DLC1: variants seen among roughly 807,000 people sequenced by gnomAD.
DLC1 encodes rho GTPase-activating protein 7.
A neutral mutation model predicts 140.3 loss-of-function variants in DLC1; 54 were observed. The observed-to-expected ratio is 0.38, with a 90% CI of 0.31 to 0.48. The LOEUF (loss-of-function observed/expected upper bound fraction) is 0.48, where lower values mean the gene tolerates loss of function less well. Among genes scored for constraint, DLC1 ranks in the 20% least tolerant of loss-of-function variants. The probability of loss-of-function intolerance (pLI) is 0.96; values close to 1 mark genes in which losing one functional copy is unlikely to be tolerated. For missense variants in DLC1, 2,536 were observed against 1,907.0 expected (o/e 1.33, Z -6.14); for synonymous variants, 986 against 728.1 (o/e 1.35, Z -5.70).
At chr8:13,101,191 A>T (rs1045262) in intron 8 of DLC1, among the ~76,000 whole-genome samples, 55,018 of 152,204 alleles carry the variant, frequency 0.36, 12,111 homozygotes, top group South Asian at 0.49. Flanking sequence ...GATTACAGGC[A>T]TGAGCCACAG....
rs34107011 is a variant in DLC1, at chr8:13,175,303, C to CT, written c.1349-59647dup. 1.5e-3 allele frequency among the ~76,000 whole-genome samples: 202 copies of CT among 131,694 alleles called. 1 individual carries two copies. The highest frequency in any genetic ancestry group is 2.4e-3 in the African/African-American group (85 of 35,350). 86.4% of individuals were successfully genotyped at this position (131,694 alleles called of 152,430 possible). On this transcript the variant is annotated intron_variant, in intron 5 of 17. Coordinates refer to ENST00000276297, the MANE Select transcript of DLC1 (RefSeq NM_182643.3). ...AAGTTGGGTAATGTGATGCCTCCAG[C>CT]TTTTTTTTTTTTTTTGCTTAGGATT...
intron 2 of DLC1, among the ~76,000 whole-genome samples, chr8:13,429,315 G>A (rs946872991): frequency 1.3e-5 from 2 of 152,172 alleles, no homozygotes; most frequent in African/African-American, 2.4e-5. Context: ...GTGATGTAGA[G>A]CAGTGATTTA....
At chr8:13,220,051 G>A (rs906181586) in intron 5 of DLC1, among the ~76,000 whole-genome samples, 2 of 152,152 alleles carry the variant, frequency 1.3e-5, no homozygotes, top group Non-Finnish European at 2.9e-5. Context: ...ACTGCTCAAT[G>A]GGTACAGGGG....
intron 1 of DLC1, among the ~76,000 whole-genome samples, chr8:13,590,077 A>ATATCTC (rs11272767): frequency 5.5e-5 from 8 of 145,278 alleles, no homozygotes; most frequent in African/African-American, 2.1e-4. Flanking sequence ...ATATATATAT[A>ATATCTC]CAAACACATG....
intron 4 of DLC1, among the ~76,000 whole-genome samples, chr8:13,314,081 G>A (rs1026092615): frequency 6.6e-6 from 1 of 151,922 alleles, no homozygotes; most frequent in Non-Finnish European, 1.5e-5. Flanking sequence ...TGACCTTTGG[G>A]TGACTTCTGA....
intron 1 of DLC1, among the ~76,000 whole-genome samples, chr8:13,520,253 GA>G (rs1319080992): frequency 6.6e-6 from 1 of 152,214 alleles, no homozygotes; most frequent in Admixed American, 6.5e-5. Context: ...ACTGGATTAA[GA>G]AAATGTGGCA....
At chr8:13,188,932 G>A (rs886536842) in intron 5 of DLC1, among the ~76,000 whole-genome samples, 98 of 140,176 alleles carry the variant, frequency 7.0e-4, no homozygotes, top group Non-Finnish European at 1.2e-3. Context: ...CTCGTTATCC[G>A]CCCGCCTCGG....
intron 2 of DLC1, among the ~76,000 whole-genome samples, chr8:13,453,424 GTGTATATATATATGTATA>G (rs1799189759): frequency 7.1e-5 from 4 of 56,514 alleles, no homozygotes; most frequent in Admixed American, 2.4e-4. Flanking sequence ...ATATATATAT[GTGTATATATATATGTATA>G]TATATACATA....
intron 5 of DLC1, among the ~76,000 whole-genome samples, chr8:13,259,535 AT>A (rs150936376): frequency 0.021 from 3,130 of 151,448 alleles, 96 homozygotes; most frequent in African/African-American, 0.071. Context: ...TATTATTAAC[AT>A]TTTTTTTTAC....
intron 5 of DLC1, chr8:13,276,611 C>A (rs902147302): frequency 1.1e-5 from 14 of 1,234,878 alleles, no homozygotes; most frequent in South Asian, 3.4e-5. Flanking sequence ...ACTTACCCTG[C>A]GCCGGCGACA....
At chr8:13,376,960 G>GA (rs1371613976) in intron 4 of DLC1, among the ~76,000 whole-genome samples, 1 of 151,890 alleles carries the variant, frequency 6.6e-6, no homozygotes, top group African/African-American at 2.4e-5. Context: ...AGAGGAGAAG[G>GA]AAAAAAAATC....
intron 4 of DLC1, among the ~76,000 whole-genome samples, chr8:13,326,200 T>C (rs1267761328): frequency 6.6e-6 from 1 of 152,174 alleles, no homozygotes; most frequent in Non-Finnish European, 1.5e-5. Context: ...TTAAAAATTA[T>C]GAAAAATGAG....
chr8:13,295,485 G>A (rs562999752), intron 5 of DLC1, among the ~76,000 whole-genome samples: 25 of 152,266 alleles, frequency 1.6e-4, no homozygotes, highest in African/African-American at 5.8e-4. Context: ...ACAAGAAGAT[G>A]GGCACCAGCC....
chr8:13,330,222 G>T (rs1833530013), intron 4 of DLC1, among the ~76,000 whole-genome samples: 1 of 152,112 alleles, frequency 6.6e-6, no homozygotes, highest in Admixed American at 6.5e-5. Context: ...AAAATGCTGG[G>T]ATTGCAGGAA....
Position 13,432,476 on chromosome 8 carries a change from A to T in DLC1, c.1024-30857T>A, listed in dbSNP as rs555512351. The stretch of plus-strand genomic sequence containing the variant: ...CTTATTTTAATCGTACAATATTATA[A>T]CTCATATACACATAACAGGTTTATT... On this transcript the variant is annotated intron_variant, in intron 2 of 17. Transcript: ENST00000276297. 4.6e-5 allele frequency among the ~76,000 whole-genome samples: 7 copies of T among 152,288 alleles called. No individual in the cohort carries two copies. In the South Asian group the frequency reaches 1.2e-3, roughly 27 times the overall value.
chr8:13,556,304 A>G (rs1031322540), intron 1 of DLC1, among the ~76,000 whole-genome samples: 6 of 152,126 alleles, frequency 3.9e-5, no homozygotes, highest in African/African-American at 1.4e-4. Flanking sequence ...CTAGTCACAA[A>G]ATCCTAGAGT....
At chr8:13,176,240 G>T (rs550952728) in intron 5 of DLC1, among the ~76,000 whole-genome samples, 1 of 152,198 alleles carries the variant, frequency 6.6e-6, no homozygotes, top group South Asian at 2.1e-4. Context: ...AATGAAATAA[G>T]TGATTTAAAT....
At chr8:13,299,367 G>T (rs1832090663) in intron 5 of DLC1, among the ~76,000 whole-genome samples, 1 of 150,296 alleles carries the variant, frequency 6.7e-6, no homozygotes, top group Non-Finnish European at 1.5e-5. Flanking sequence ...AGAATTGCAT[G>T]AACCCAGGAG....
chr8:13,221,369 CTTT>C (rs113799968), intron 5 of DLC1, among the ~76,000 whole-genome samples: 5 of 141,406 alleles, frequency 3.5e-5, no homozygotes, highest in Non-Finnish European at 4.7e-5. Context: ...GTTTTCTTTT[CTTT>C]TTTTTTTTTT....
Sources: allele counts gnomAD v4.1 joint callset (sites outside exome capture counted in the v4.1 genomes callset), GRCh38; gene constraint gnomAD v4.1.1; transcripts MANE v1.5; gene names NCBI Gene and HGNC (gene_info 2026-07-23, HGNC 2026-07-21).